SAMMSON: variants seen among roughly 807,000 people sequenced by gnomAD.
SAMMSON encodes the protein long intergenic non-protein coding RNA 1212.
At chr3:70,046,874 C>A (rs1176217070) in intron 3 of SAMMSON, among the ~76,000 whole-genome samples, 1 of 152,078 alleles carries the variant, frequency 6.6e-6, no homozygotes, top group Non-Finnish European at 1.5e-5. Context: ...GTTCATCCCT[C>A]TGGCTCCCTT....
At chr3:70,087,412 G>C (rs1034136515) in intron 4 of SAMMSON, among the ~76,000 whole-genome samples, 7 of 152,138 alleles carry the variant, frequency 4.6e-5, no homozygotes, top group African/African-American at 1.7e-4. Context: ...TGCCGACTTA[G>C]GGGTCTCAGC....
intron 4 of SAMMSON, among the ~76,000 whole-genome samples, chr3:70,193,035 A>G (rs776243172): frequency 7.2e-5 from 11 of 152,110 alleles, no homozygotes; most frequent in Non-Finnish European, 1.3e-4. Context: ...TGTGACATCA[A>G]TTGTCTCTCC....
intron 3 of SAMMSON, among the ~76,000 whole-genome samples, chr3:70,035,506 G>A (rs2067082069): frequency 6.6e-6 from 1 of 152,092 alleles, no homozygotes; most frequent in Non-Finnish European, 1.5e-5. Flanking sequence ...GGAATCCAGG[G>A]TGGCCATTTT....
At chr3:70,320,368 C>A (rs1702528049) in intron 7 of SAMMSON, among the ~76,000 whole-genome samples, 3 of 152,074 alleles carry the variant, frequency 2.0e-5, no homozygotes, top group South Asian at 4.1e-4. Context: ...TTATTTTGCT[C>A]CAAAACCCTC....
At chr3:70,361,346 T>G (rs1485397718) in intron 9 of SAMMSON, among the ~76,000 whole-genome samples, 1 of 152,202 alleles carries the variant, frequency 6.6e-6, no homozygotes, top group Non-Finnish European at 1.5e-5. Flanking sequence ...ATTACCAATT[T>G]TCAAAGAATT....
At chr3:70,160,606 A>AT (rs1309668506) in intron 4 of SAMMSON, among the ~76,000 whole-genome samples, 1 of 151,982 alleles carries the variant, frequency 6.6e-6, no homozygotes, top group Non-Finnish European at 1.5e-5. Flanking sequence ...TTGGTAGTAA[A>AT]TTTTGATATG....
At chr3:70,144,783 C>T (rs1343266131) in intron 4 of SAMMSON, among the ~76,000 whole-genome samples, 1 of 152,226 alleles carries the variant, frequency 6.6e-6, no homozygotes, top group East Asian at 1.9e-4. Flanking sequence ...CACAAGCTCT[C>T]TCTTTGCCTG....
chr3:70,320,277 C>G (rs1559563095), intron 7 of SAMMSON, among the ~76,000 whole-genome samples: 1 of 152,118 alleles, frequency 6.6e-6, no homozygotes. Flanking sequence ...AGAAAGTGCT[C>G]TACTTAAGTG....
chr3:70,049,782 T>C (rs559425621), intron 3 of SAMMSON, among the ~76,000 whole-genome samples: 35 of 152,268 alleles, frequency 2.3e-4, no homozygotes, highest in African/African-American at 8.4e-4. Context: ...TTGGTCTTAA[T>C]TTTTAAAGCT....
At chr3:70,169,430 AT>A (rs1156306139) in intron 4 of SAMMSON, among the ~76,000 whole-genome samples, 1 of 151,964 alleles carries the variant, frequency 6.6e-6, no homozygotes, top group Non-Finnish European at 1.5e-5. Context: ...CTTATTTGGT[AT>A]GATTTAGGGT....
chr3:70,423,961 C>A (rs563214299), intron 2 of SAMMSON, among the ~76,000 whole-genome samples: 6 of 152,042 alleles, frequency 3.9e-5, no homozygotes, highest in Non-Finnish European at 8.8e-5. Flanking sequence ...GGGATGTGCA[C>A]CTTTGTTGGT....
chr3:70,165,738 C>T (rs936811841), intron 4 of SAMMSON, among the ~76,000 whole-genome samples: 1 of 151,980 alleles, frequency 6.6e-6, no homozygotes, highest in Non-Finnish European at 1.5e-5. Context: ...GAAGATGCTT[C>T]TCTGTCTACT....
At chr3:70,207,695 C>A (rs997572085) in intron 4 of SAMMSON, among the ~76,000 whole-genome samples, 4 of 151,912 alleles carry the variant, frequency 2.6e-5, no homozygotes, top group Non-Finnish European at 4.4e-5. Flanking sequence ...GTATAACAAC[C>A]ACTTACATAG....
chr3:70,045,923 A>G (rs1003626955), intron 3 of SAMMSON, among the ~76,000 whole-genome samples: 11 of 151,440 alleles, frequency 7.3e-5, no homozygotes, highest in African/African-American at 2.4e-4. Flanking sequence ...ACAAAAGCAC[A>G]TGTCAGCTAA....
intron 4 of SAMMSON, among the ~76,000 whole-genome samples, chr3:70,085,399 G>A (rs2067281875): frequency 6.6e-6 from 1 of 152,136 alleles, no homozygotes; most frequent in Non-Finnish European, 1.5e-5. Context: ...TCAGGACATT[G>A]AGACAAATGT....
intron 4 of SAMMSON, among the ~76,000 whole-genome samples, chr3:70,201,911 G>A: frequency 6.6e-6 from 1 of 152,198 alleles, no homozygotes. Flanking sequence ...ATGGGAGGAA[G>A]AGAAAATTCA....
chr3:70,084,563 G>T (rs978939129), intron 4 of SAMMSON, among the ~76,000 whole-genome samples: 1 of 152,108 alleles, frequency 6.6e-6, no homozygotes, highest in Non-Finnish European at 1.5e-5. Flanking sequence ...CAGGCCCCTT[G>T]CCTTCGTGCC....
intron 7 of SAMMSON, among the ~76,000 whole-genome samples, chr3:70,318,099 CT>C (rs1702508072): frequency 1.3e-5 from 2 of 151,634 alleles, no homozygotes; most frequent in African/African-American, 4.8e-5. Flanking sequence ...GTAATTTTCT[CT>C]GTATTTTTAG....
At chr3:70,279,848 C>G (rs892200538) in intron 6 of SAMMSON, among the ~76,000 whole-genome samples, 3 of 152,132 alleles carry the variant, frequency 2.0e-5, no homozygotes, top group African/African-American at 7.2e-5. Context: ...ACAACTACAC[C>G]TGCCAAACCA....
Sources: gnomAD v4.1 joint callset for allele counts (sites outside exome capture counted in the v4.1 genomes callset) on GRCh38, gnomAD v4.1.1 for gene constraint, MANE v1.5 for transcripts, NCBI Gene and HGNC (gene_info 2026-07-23, HGNC 2026-07-21) for gene names.